The following ZC2HC1B variants were observed in gnomAD, a reference collection of about 807,000 sequenced individuals.
The protein encoded by ZC2HC1B is zinc finger C2HC domain-containing protein 1B.
A neutral mutation model predicts 31.0 loss-of-function variants in ZC2HC1B; 36 were observed. The ratio of observed to expected loss-of-function variants is 1.16; its 90% confidence interval spans 0.89 to 1.54. The LOEUF is 1.54. Among genes scored for constraint, ZC2HC1B ranks in the 40% most tolerant of loss-of-function variants. ZC2HC1B has a pLI of 0.00. For synonymous variants in ZC2HC1B, 73 were observed against 88.0 expected (o/e 0.83, Z 0.95); for missense variants, 260 against 268.6 (o/e 0.97, Z 0.22).
At position 143,886,250 on chromosome 6, in the gene ZC2HC1B, T is replaced by A; in HGVS notation, c.210+99T>A. On this transcript the variant is annotated intron_variant, in intron 3 of 7. Coordinates refer to ENST00000237275, the MANE Select transcript of ZC2HC1B (RefSeq NM_001013623.3). The surrounding 1 kb of genome is among the most constrained non-coding windows in gnomAD (Gnocchi z 4.2). ...GTTTCATTTTTGCTTGATAATACAG[T>A]AATGTAATGTAACTGTAATCCACCT... The A allele has an allele frequency of 8.0e-7, 1 of 1,251,934 alleles. No homozygotes were observed. Among genetic ancestry groups the A allele is most frequent in the Non-Finnish European group, 1.0e-6 (1 of 972,110 alleles). 77.6% of individuals were successfully genotyped at this position (1,251,934 alleles called of 1,614,324 possible). A position where few individuals can be genotyped will look rare whatever the true frequency, so the allele number is the denominator to read the frequency against.
At chr6:143,879,824 A>ATTTT (rs557859315) in intron 1 of ZC2HC1B, among the ~76,000 whole-genome samples, 602 of 53,696 alleles carry the variant, frequency 0.011, 56 homozygotes, top group African/African-American at 0.041. Context: ...GTTGTCCCTG[A>ATTTT]TTTTTTTTTT....
In ZC2HC1B at chr6:143,865,721, A is replaced by G. The variant is rs571684339; in HGVS notation, c.28+1154A>G. ...AAGATTTCAGAAAAGAATTAAACAT[A>G]GAACCATAGCAGGGCCTAGAATCAC... On this transcript the variant is annotated intron_variant, in intron 1 of 7. Coordinates refer to ENST00000237275, the MANE Select transcript of ZC2HC1B (RefSeq NM_001013623.3). This position sits in a 1 kb window ranked among gnomAD's most constrained non-coding sequence, Gnocchi z 4.4. Among the ~76,000 whole-genome samples, 139 of 74,684 alleles carry G rather than the reference A, an allele frequency of 1.9e-3. No homozygotes were observed. The highest frequency in any genetic ancestry group is 3.1e-3 in the Non-Finnish European group (116 of 37,398). The allele number at this position is 74,684 out of a possible 152,430, so 49.0% of individuals were successfully genotyped here.
chr6:143,932,277 G>T (rs916654362), intron 6 of ZC2HC1B, among the ~76,000 whole-genome samples: 1 of 152,060 alleles, frequency 6.6e-6, no homozygotes, highest in African/African-American at 2.4e-5. Context: ...TCTCTTCTTC[G>T]CCAGGAACAC....
chr6:143,874,936 G>T (rs1309473013), intron 1 of ZC2HC1B, among the ~76,000 whole-genome samples: 1 of 152,054 alleles, frequency 6.6e-6, no homozygotes, highest in Admixed American at 6.5e-5. Context: ...AGGTTCAAAG[G>T]ATTCTCCCGC....
At chr6:143,874,219 A>G (rs1229422326) in intron 1 of ZC2HC1B, among the ~76,000 whole-genome samples, 1 of 152,104 alleles carries the variant, frequency 6.6e-6, no homozygotes, top group Non-Finnish European at 1.5e-5. Flanking sequence ...TCAGTTCCCA[A>G]CAAGTTCCTC....
chr6:143,878,288 G>A (rs1341942593), intron 1 of ZC2HC1B, among the ~76,000 whole-genome samples: 1 of 150,652 alleles, frequency 6.6e-6, no homozygotes, highest in East Asian at 1.9e-4. Context: ...CCACATTTTT[G>A]TGCTTTTTCT....
At chr6:143,912,773 T>G (rs1777875413) in intron 6 of ZC2HC1B, among the ~76,000 whole-genome samples, 1 of 152,220 alleles carries the variant, frequency 6.6e-6, no homozygotes, top group Non-Finnish European at 1.5e-5. Context: ...AGAGCAGCTG[T>G]GCTGTATTGG....
intron 4 of ZC2HC1B, among the ~76,000 whole-genome samples, chr6:143,890,868 A>G (rs1273729539): frequency 1.3e-5 from 2 of 152,086 alleles, no homozygotes; most frequent in Non-Finnish European, 2.9e-5. Flanking sequence ...AGTGGCTCAT[A>G]CCTGTAATTC....
chr6:143,934,529 G>A lies in ZC2HC1B; in HGVS notation c.599-3120G>A, dbSNP rs1484451465. ...ATTTTCTTGCATTTTTATGTTTCTT[G>A]TGTTCCTATGCCAATATCTCTGCAT... On this transcript the variant is annotated intron_variant, in intron 6 of 7. Coordinates refer to ENST00000237275, the MANE Select transcript of ZC2HC1B (RefSeq NM_001013623.3). This position sits in a 1 kb window ranked among gnomAD's most constrained non-coding sequence, Gnocchi z 4.6. 5.3e-5 allele frequency among the ~76,000 whole-genome samples: 8 copies of A among 152,026 alleles called. No homozygotes were observed. Among genetic ancestry groups the A allele is most frequent in the South Asian group, 4.1e-4 (2 of 4,820 alleles).
chr6:143,918,747 T>C lies in ZC2HC1B; in HGVS notation c.598+15595T>C, dbSNP rs1408099451. 6.6e-6 allele frequency among the ~76,000 whole-genome samples: 1 copy of C among 152,192 alleles called. No individual in the cohort carries two copies. The highest frequency in any genetic ancestry group is 1.9e-4 in the East Asian group (1 of 5,204). ...GGCTCTGTTCACCTTTCCTTAAGTTTTTCTCTTTCTGTTCCTCAGACTTGA... is the reference window on the plus strand; with the variant it reads ...GGCTCTGTTCACCTTTCCTTAAGTTCTTCTCTTTCTGTTCCTCAGACTTGA... On this transcript the variant is annotated intron_variant, in intron 6 of 7. Coordinates refer to ENST00000237275, the MANE Select transcript of ZC2HC1B (RefSeq NM_001013623.3). The surrounding 1 kb of genome is among the most constrained non-coding windows in gnomAD (Gnocchi z 4.1).
intron 6 of ZC2HC1B, among the ~76,000 whole-genome samples, chr6:143,906,140 GC>G (rs1777792087): frequency 6.6e-6 from 1 of 152,102 alleles, no homozygotes; most frequent in Non-Finnish European, 1.5e-5. Flanking sequence ...GGTGGAATTC[GC>G]CAGTGAAGCC....
chr6:143,889,429 CCCAACTATAAGTATT>C (rs1777570840), intron 4 of ZC2HC1B, among the ~76,000 whole-genome samples: 1 of 152,066 alleles, frequency 6.6e-6, no homozygotes, highest in African/African-American at 2.4e-5. Flanking sequence ...TAAAGCAAGA[CCCAACTATAAGTATT>C]CCATAAGAAA....
chr6:143,937,543 G>T, intron 6 of ZC2HC1B, 106 bp from the exon 7 acceptor site: 2 of 953,744 alleles, frequency 2.1e-6, no homozygotes, highest in Non-Finnish European at 3.0e-6. Context: ...CAAAAAAAAG[G>T]AAGAATAGAA....
At position 143,933,006 on chromosome 6, in the gene ZC2HC1B, T is replaced by C. The variant is rs1174856733; in HGVS notation, c.599-4643T>C. Among the ~76,000 whole-genome samples the C allele has an allele frequency of 1.3e-5, 2 of 152,192 alleles. No homozygotes were observed. The highest frequency in any genetic ancestry group is 4.8e-5 in the African/African-American group (2 of 41,450). ...CTGTGATGCAATTTGTCTTCGGGTC[T>C]ACCAGCCGTGGATACCAGCACCTGT... On this transcript the variant is annotated intron_variant, in intron 6 of 7. Coordinates refer to ENST00000237275, the MANE Select transcript of ZC2HC1B (RefSeq NM_001013623.3). The surrounding 1 kb of genome is among the most constrained non-coding windows in gnomAD (Gnocchi z 6.4).
intron 6 of ZC2HC1B, among the ~76,000 whole-genome samples, chr6:143,925,823 C>A (rs549358477): frequency 6.6e-6 from 1 of 152,140 alleles, no homozygotes; most frequent in African/African-American, 2.4e-5. Context: ...GCATGAGCCA[C>A]GGTGCCCAGC....
chr6:143,930,156 T>G (rs1278121042), intron 6 of ZC2HC1B, among the ~76,000 whole-genome samples: 2 of 152,130 alleles, frequency 1.3e-5, no homozygotes, highest in African/African-American at 4.8e-5. Context: ...TTGTTTCTTT[T>G]GTTTCTTGAT....
At chr6:143,888,620 A>C (rs1049044427) in intron 4 of ZC2HC1B, among the ~76,000 whole-genome samples, 2 of 152,020 alleles carry the variant, frequency 1.3e-5, no homozygotes, top group African/African-American at 4.8e-5. Flanking sequence ...CATTGGTTAA[A>C]TTTATTTCTA....
chr6:143,890,269 T>G (rs1301166158), intron 4 of ZC2HC1B, among the ~76,000 whole-genome samples: 1 of 151,870 alleles, frequency 6.6e-6, no homozygotes, highest in African/African-American at 2.4e-5. Flanking sequence ...GAGACCTAAA[T>G]TAGGTCAAAA....
At position 143,880,565 on chromosome 6, in the gene ZC2HC1B, TA is replaced by T. The variant is rs370541365; in HGVS notation, c.29-3734del. ...TCCCACAAATTCCTTTAAATTAATA[TA>T]AAAATGGTTCAGCAATTTTTGGCAA... is the stretch of plus-strand genomic sequence containing the variant. On this transcript the variant is annotated intron_variant, in intron 1 of 7. Coordinates refer to ENST00000237275, the MANE Select transcript of ZC2HC1B (RefSeq NM_001013623.3). Among the ~76,000 whole-genome samples, 148 of 152,318 alleles carry T rather than the reference TA, an allele frequency of 9.7e-4. 5 individuals carry two copies. The South Asian group carries it at 0.029, about 30-fold the overall frequency.
Sources: allele counts gnomAD v4.1 joint callset (sites outside exome capture counted in the v4.1 genomes callset), GRCh38; gene constraint gnomAD v4.1.1; non-coding constraint Gnocchi (gnomAD v3.1); transcripts MANE v1.5; gene names NCBI Gene and HGNC (gene_info 2026-07-23, HGNC 2026-07-21).